SLC9C1: variants seen among roughly 807,000 people sequenced by gnomAD.
The protein encoded by SLC9C1 is solute carrier family 9 member C1, also known as sodium/hydrogen exchanger 10.
SLC9C1 carries 97 observed loss-of-function variants against 140.9 expected under a neutral mutation model. The observed-to-expected ratio is 0.69, with a 90% confidence interval of 0.58 to 0.82. The LOEUF is 0.82. SLC9C1 is among the 40% of genes least tolerant of loss of function. The probability of loss-of-function intolerance (pLI) is 0.00; values close to 1 mark genes in which losing one functional copy is unlikely to be tolerated. For synonymous variants in SLC9C1, 440 were observed against 442.6 expected (o/e 0.99, Z 0.07); for missense variants, 1,340 against 1,389.3 (o/e 0.96, Z 0.56).
At chr3:112,289,377 C>T (rs1309975971) in intron 1 of SLC9C1, among the ~76,000 whole-genome samples, 1 of 152,122 alleles carries the variant, frequency 6.6e-6, no homozygotes, top group Non-Finnish European at 1.5e-5. Context: ...AGGTAAGGTG[C>T]TGTCAGAAAG....
At chr3:112,224,339 A>G (rs953557507) in intron 13 of SLC9C1, among the ~76,000 whole-genome samples, 2 of 152,216 alleles carry the variant, frequency 1.3e-5, no homozygotes, top group African/African-American at 4.8e-5. Context: ...GAAAGCCACT[A>G]TACAAAATTG....
At chr3:112,192,822 T>A (rs543073959) in intron 20 of SLC9C1, among the ~76,000 whole-genome samples, 1 of 152,206 alleles carries the variant, frequency 6.6e-6, no homozygotes, top group Non-Finnish European at 1.5e-5. Context: ...TATTTTAAAA[T>A]TTTTTTCTGG....
chr3:112,218,645 G>A (rs902075927), intron 14 of SLC9C1, among the ~76,000 whole-genome samples: 11 of 152,006 alleles, frequency 7.2e-5, no homozygotes, highest in African/African-American at 2.4e-4. Context: ...AAGAAATACT[G>A]GTCTGCCCTC....
At chr3:112,267,016 C>T (rs2079936362) in intron 7 of SLC9C1, among the ~76,000 whole-genome samples, 1 of 152,190 alleles carries the variant, frequency 6.6e-6, no homozygotes. Context: ...CACGGTGGCT[C>T]ATACCTATAA....
intron 26 of SLC9C1, among the ~76,000 whole-genome samples, chr3:112,166,145 C>G (rs1418972053): frequency 6.6e-6 from 1 of 152,148 alleles, no homozygotes; most frequent in South Asian, 2.1e-4. Flanking sequence ...TGGGAGTGAC[C>G]CGATTTTCCA....
At chr3:112,144,451 A>G (rs1016360403) in intron 28 of SLC9C1, among the ~76,000 whole-genome samples, 4 of 151,926 alleles carry the variant, frequency 2.6e-5, no homozygotes, top group Non-Finnish European at 5.9e-5. Context: ...GTGAGCCACC[A>G]CACCCGGCCA....
chr3:112,274,938 T>G lies in SLC9C1; in HGVS notation c.572A>C (p.Asp191Ala). 6.4e-7 allele frequency: 1 copy of G among 1,567,572 alleles called. No individual in the cohort carries two copies. The highest frequency in any genetic ancestry group is 1.2e-5 in the South Asian group (1 of 81,080). ...TTTACTTTGTAGTCTTTGGTCAAAA[T>G]CCATAATACTAGTAAATGTAATTAA... Reference protein sequence around the residue: ...ISLITFTSIMDFDQRLQSKRN... With the variant: ...ISLITFTSIMAFDQRLQSKRN... Residue 191 changes from aspartate to alanine, a missense_variant, in exon 6 of 29, where the codon GAT (aspartate) becomes GCT (alanine). Asp to Ala is a moderately radical substitution (Grantham distance 126). Transcript: ENST00000305815.
intron 1 of SLC9C1, among the ~76,000 whole-genome samples, chr3:112,287,132 A>G (rs2080532266): frequency 6.6e-6 from 1 of 152,142 alleles, no homozygotes; most frequent in South Asian, 2.1e-4. Flanking sequence ...CTCTGAATCC[A>G]TCCAACTGTC....
chr3:112,259,324 T>C (rs2079703239), intron 10 of SLC9C1, among the ~76,000 whole-genome samples: 1 of 149,724 alleles, frequency 6.7e-6, no homozygotes, highest in Admixed American at 6.7e-5. Flanking sequence ...AGGGAGAGGA[T>C]TGGAAAAAAA....
chr3:112,220,608 A>T (rs2078514682), intron 14 of SLC9C1, among the ~76,000 whole-genome samples: 1 of 152,176 alleles, frequency 6.6e-6, no homozygotes, highest in African/African-American at 2.4e-5. Context: ...TCCACAGGGG[A>T]TGATCTGAGG....
intron 6 of SLC9C1, among the ~76,000 whole-genome samples, chr3:112,271,409 A>ATATATATATATATATATATC (rs1013241776): frequency 6.0e-5 from 9 of 149,302 alleles, no homozygotes; most frequent in East Asian, 4.0e-4. Flanking sequence ...ATATATATAT[A>ATATATATATATATATATATC]TCAAAGCCTC....
chr3:112,241,282 G>C (rs2079131460), intron 11 of SLC9C1, among the ~76,000 whole-genome samples: 1 of 151,664 alleles, frequency 6.6e-6, no homozygotes, highest in African/African-American at 2.4e-5. Context: ...AAAACATCTC[G>C]GGTACCCCAC....
intron 1 of SLC9C1, among the ~76,000 whole-genome samples, chr3:112,289,460 C>T (rs2080614485): frequency 6.6e-6 from 1 of 152,176 alleles, no homozygotes; most frequent in African/African-American, 2.4e-5. Flanking sequence ...TAAGATACAG[C>T]TGTGATGGGC....
At chr3:112,253,787 G>A (rs2079530711) in intron 10 of SLC9C1, among the ~76,000 whole-genome samples, 1 of 152,118 alleles carries the variant, frequency 6.6e-6, no homozygotes, top group Admixed American at 6.5e-5. Flanking sequence ...AGTTGGCTGA[G>A]ACAACAGAAA....
rs1437054572 is a variant in SLC9C1, at chr3:112,155,052, G to GA, written c.3365-4dup. 6.9e-7 allele frequency: 1 copy of GA among 1,454,560 alleles called. No individual in the cohort carries two copies. The allele number at this position is 1,454,560 out of a possible 1,614,324, so 90.1% of individuals were successfully genotyped here. ...TTCTTCCAATGTTCCAACTGAACCT[G>GA]ATTAAAAAAAAAAAAAACAGTGTTA... On this transcript the variant is annotated splice_polypyrimidine_tract_variant and splice_region_variant and intron_variant, in intron 26 of 28. Coordinates refer to ENST00000305815, the MANE Select transcript of SLC9C1 (RefSeq NM_183061.3).
intron 10 of SLC9C1, among the ~76,000 whole-genome samples, chr3:112,259,839 T>G (rs1454455924): frequency 6.6e-6 from 1 of 152,164 alleles, no homozygotes; most frequent in Non-Finnish European, 1.5e-5. Flanking sequence ...GAAAACAGTC[T>G]TTCACTATTA....
intron 1 of SLC9C1, among the ~76,000 whole-genome samples, chr3:112,291,255 CA>C (rs1191981620): frequency 6.6e-6 from 1 of 152,032 alleles, no homozygotes. Flanking sequence ...ACAACAAAAG[CA>C]AAAATTAACA....
At chr3:112,283,593 T>G (rs577659997) in intron 2 of SLC9C1, among the ~76,000 whole-genome samples, 22 of 152,194 alleles carry the variant, frequency 1.4e-4, no homozygotes, top group Non-Finnish European at 2.9e-4. Flanking sequence ...AGTTTTTATT[T>G]GATTCAGGAT....
rs7631233 is a variant in SLC9C1 at position 112,228,247 on chromosome 3, C to T, written c.1572+3114G>A. Among the ~76,000 whole-genome samples, 674 of 152,136 alleles carry T rather than the reference C, an allele frequency of 4.4e-3. 6 individuals carry two copies. Among genetic ancestry groups the T allele is most frequent in the African/African-American group, 0.014 (594 of 41,544 alleles). Reference sequence around the variant, plus strand: ...AATAGAAAACCCAGGAATATATTACCTATTTATAGCCAACTGATTTTCGAC... The same window carrying T: ...AATAGAAAACCCAGGAATATATTACTTATTTATAGCCAACTGATTTTCGAC... On this transcript the variant is annotated intron_variant, in intron 13 of 28. Transcript: ENST00000305815.
Sources: allele counts gnomAD v4.1 joint callset (sites outside exome capture counted in the v4.1 genomes callset), GRCh38; gene constraint gnomAD v4.1.1; transcripts MANE v1.5; gene names NCBI Gene and HGNC (gene_info 2026-07-23, HGNC 2026-07-21).